Variants in KLHDC4 observed in about 807,000 individuals in gnomAD.
KLHDC4 encodes the protein kelch domain-containing protein 4.
KLHDC4 carries 90 observed loss-of-function variants against 62.4 expected under a neutral mutation model. That is an observed-to-expected ratio of 1.44 (90% CI 1.22 to 1.72). KLHDC4 has a LOEUF of 1.72. Among genes scored for constraint, KLHDC4 ranks in the 40% most tolerant of loss-of-function variants. KLHDC4 has a pLI of 0.00. For missense variants in KLHDC4, 1,025 were observed against 699.7 expected (o/e 1.47, Z -5.25); for synonymous variants, 386 against 284.4 (o/e 1.36, Z -3.59).
In KLHDC4 at chr16:87,726,894, G is replaced by A. The variant is rs377125706; in HGVS notation, c.630C>T (p.Ala210=). The stretch of plus-strand genomic sequence containing the variant: ...TCCATGTGAAGGTGTCCAGATTAAA[G>A]GCATACACGTCGTTGTAGTAGATGT... ...RDYIYYNDVY[A]FNLDTFTWSK... is the part of the protein sequence containing the mutation. Residue 210 remains alanine (A), a synonymous_variant, in exon 7 of 12, where the codon GCC becomes GCT. Transcript: ENST00000270583. 1.2e-6 allele frequency: 2 copies of A among 1,613,864 alleles called. No homozygotes were observed.
intron 1 of KLHDC4, among the ~76,000 whole-genome samples, chr16:87,764,563 C>T (rs1191848663): frequency 1.4e-5 from 2 of 144,534 alleles, no homozygotes; most frequent in Non-Finnish European, 3.0e-5. Context: ...GCAGGAGAAC[C>T]ACTTGAACCT....
At chr16:87,719,014 A>C (rs1384938155) in intron 7 of KLHDC4, among the ~76,000 whole-genome samples, 3 of 150,824 alleles carry the variant, frequency 2.0e-5, no homozygotes, top group Non-Finnish European at 4.4e-5. Flanking sequence ...GGAAGTGAGG[A>C]GCGTCTCCGC....
intron 10 of KLHDC4, 51 bp downstream of exon 10, chr16:87,709,214 G>C (rs780832045): frequency 6.4e-7 from 1 of 1,565,608 alleles, no homozygotes; most frequent in East Asian, 2.3e-5. Context: ...CGCGACACAC[G>C]ACCGTGGGCT....
At chr16:87,735,150 A>T (rs1364807561) in intron 5 of KLHDC4, among the ~76,000 whole-genome samples, 1 of 151,992 alleles carries the variant, frequency 6.6e-6, no homozygotes, top group Non-Finnish European at 1.5e-5. Context: ...ATACAAAAAA[A>T]TTAGCCAGGC....
chr16:87,712,931 C>T (rs962240979), intron 8 of KLHDC4, among the ~76,000 whole-genome samples: 1 of 152,252 alleles, frequency 6.6e-6, no homozygotes, highest in African/African-American at 2.4e-5. Context: ...GGTTTCCTAA[C>T]GGCACTGGGG....
At chr16:87,701,871 T>C (rs768060894) in exon 1 of KLHDC4, 13 of 456,458 alleles carry the variant, frequency 2.8e-5, no homozygotes, top group African/African-American at 1.2e-4. Flanking sequence ...AGGAAGCCTC[T>C]TCGAGCCCAG....
At chr16:87,764,198 C>A (rs889153410) in intron 1 of KLHDC4, among the ~76,000 whole-genome samples, 9 of 152,164 alleles carry the variant, frequency 5.9e-5, no homozygotes, top group African/African-American at 2.2e-4. Context: ...GTGGGTCTAG[C>A]CTAATCAGAC....
downstream of KLHDC4, chr16:87,707,804 C>A (rs992073974): frequency 2.6e-6 from 1 of 382,762 alleles, no homozygotes; most frequent in African/African-American, 2.1e-5. Flanking sequence ...AGACACCCTC[C>A]GCGGTGGTCT....
chr16:87,743,632 C>T (rs1296513977), intron 5 of KLHDC4, among the ~76,000 whole-genome samples: 4 of 150,796 alleles, frequency 2.7e-5, no homozygotes, highest in South Asian at 2.1e-4. Context: ...CCCAGCTACT[C>T]GGGAGGCTGA....
intron 1 of KLHDC4, among the ~76,000 whole-genome samples, chr16:87,763,141 C>T (rs1008849429): frequency 7.2e-5 from 11 of 151,996 alleles, no homozygotes; most frequent in Admixed American, 3.3e-4. Flanking sequence ...TTCCTGTATA[C>T]GGTTCCCAGG....
intron 5 of KLHDC4, among the ~76,000 whole-genome samples, chr16:87,743,390 C>G (rs186564387): frequency 6.6e-6 from 1 of 152,242 alleles, no homozygotes; most frequent in Non-Finnish European, 1.5e-5. Flanking sequence ...CCACTGCACC[C>G]GGCCTGGACT....
rs1185911131 is a variant in KLHDC4 at position 87,708,395 on chromosome 16, C to G, written c.1519G>C (p.Val507Leu). ...SEEVEGAEGGVDDEDSGEESG... is the reference protein window; with the variant it reads ...SEEVEGAEGGLDDEDSGEESG... ...TCCTCTCCGCTGTCTTCGTCGTCGA[C>G]CCCACCCTCGGCGCCCTCAACCTCC... Residue 507 changes from valine to leucine, a missense_variant, in exon 11 of 12, where the codon GTC becomes CTC. Transcript: ENST00000270583. The G allele has an allele frequency of 1.2e-6, 2 of 1,611,586 alleles. No homozygotes were observed. Among genetic ancestry groups the G allele is most frequent in the Non-Finnish European group, 8.5e-7 (1 of 1,179,400 alleles).
At chr16:87,720,570 C>T (rs2038084030) in intron 7 of KLHDC4, among the ~76,000 whole-genome samples, 1 of 152,226 alleles carries the variant, frequency 6.6e-6, no homozygotes, top group Non-Finnish European at 1.5e-5. Flanking sequence ...CGCCGCACCA[C>T]ATCAGTGCAC....
chr16:87,754,219 G>C (rs575695650), intron 4 of KLHDC4, among the ~76,000 whole-genome samples: 49 of 152,182 alleles, frequency 3.2e-4, no homozygotes, highest in African/African-American at 1.1e-3. Context: ...GGTGAGGGGT[G>C]CCTGTAATCC....
intron 9 of KLHDC4, 59 bp from the exon 10 acceptor site, chr16:87,709,726 G>T (rs1265984903): frequency 8.1e-6 from 12 of 1,480,900 alleles, no homozygotes; most frequent in Non-Finnish European, 1.1e-5. Flanking sequence ...GGTCATTCCT[G>T]CTATGCCCAC....
At chr16:87,728,105 T>A (rs2039693357) in intron 6 of KLHDC4, among the ~76,000 whole-genome samples, 1 of 152,156 alleles carries the variant, frequency 6.6e-6, no homozygotes, top group Non-Finnish European at 1.5e-5. Context: ...GAGAATAGTT[T>A]GAACCTACGA....
intron 1 of KLHDC4, 101 bp from the exon 2 acceptor site, chr16:87,762,141 TCA>T: frequency 6.5e-7 from 1 of 1,546,302 alleles, no homozygotes; most frequent in East Asian, 2.3e-5. Context: ...TCGACTGGGC[TCA>T]GTCACATCTG....
At position 87,762,874 on chromosome 16, in the gene KLHDC4, A is replaced by G. The variant is rs558898566; in HGVS notation, c.100-834T>C. Among the ~76,000 whole-genome samples, 3 of 152,096 alleles carry G rather than the reference A, an allele frequency of 2.0e-5. No individual in the cohort carries two copies. The East Asian group carries it at 5.8e-4, about 29-fold the overall frequency. Reference sequence around the variant, plus strand: ...CAGTGTCCTGCTTGCAACTACACACACCTGCAGACCATCTTCCCTCCCCCA... The same window carrying G: ...CAGTGTCCTGCTTGCAACTACACACGCCTGCAGACCATCTTCCCTCCCCCA... On this transcript the variant is annotated intron_variant, in intron 1 of 11. Transcript: ENST00000270583.
chr16:87,763,000 G>A (rs756612992), intron 1 of KLHDC4, among the ~76,000 whole-genome samples: 1 of 152,082 alleles, frequency 6.6e-6, no homozygotes, highest in Non-Finnish European at 1.5e-5. Context: ...CCCTCAGCCT[G>A]CCACGCCCCA....
Sources: allele counts gnomAD v4.1 joint callset (sites outside exome capture counted in the v4.1 genomes callset), GRCh38; gene constraint gnomAD v4.1.1; transcripts MANE v1.5; gene names NCBI Gene and HGNC (gene_info 2026-07-23, HGNC 2026-07-21).